ADCY8: variants seen among roughly 807,000 people sequenced by gnomAD.
ADCY8 encodes the protein adenylate cyclase 8.
Under a neutral mutation model 119.7 loss-of-function variants are expected in ADCY8, and 51 were observed. The ratio of observed to expected loss-of-function variants is 0.43; its 90% confidence interval spans 0.34 to 0.54. The LOEUF is 0.54. ADCY8 is among the 20% of genes least tolerant of loss of function. ADCY8 has a pLI of 0.03. For synonymous variants in ADCY8, 665 were observed against 651.0 expected, an observed-to-expected ratio of 1.02 and a Z score of -0.33; for missense variants, 1,383 against 1,598.8, an observed-to-expected ratio of 0.87 and a Z score of 2.30.
At chr8:130,943,297 A>C in intron 4 of ADCY8, 54 bp downstream of exon 4, 1 of 1,248,692 alleles carries the variant, frequency 8.0e-7, no homozygotes, top group East Asian at 2.3e-5. Context: ...TCCTTATTCC[A>C]TATGCAGTCC....
intron 2 of ADCY8, among the ~76,000 whole-genome samples, chr8:130,983,193 A>AG (rs1286604023): frequency 6.6e-6 from 1 of 152,264 alleles, no homozygotes; most frequent in African/African-American, 2.4e-5. Context: ...AAGGGCAGGC[A>AG]GCTACAAACA....
intron 15 of ADCY8, among the ~76,000 whole-genome samples, chr8:130,787,801 ATG>A (rs1184183592): frequency 1.3e-5 from 2 of 151,400 alleles, no homozygotes; most frequent in Non-Finnish European, 2.9e-5. Flanking sequence ...GCACACACAC[ATG>A]TGTGTTGTTT....
intron 6 of ADCY8, 123 bp downstream of exon 6, chr8:130,909,585 T>C: frequency 5.2e-6 from 6 of 1,154,514 alleles, no homozygotes; most frequent in Non-Finnish European, 7.6e-6. Flanking sequence ...TTTCAGTGTC[T>C]GGTCTCCTTC....
intron 7 of ADCY8, among the ~76,000 whole-genome samples, chr8:130,895,314 G>A (rs555740368): frequency 1.3e-5 from 2 of 152,136 alleles, no homozygotes; most frequent in South Asian, 2.1e-4. Context: ...GTTTTAGCAG[G>A]TTATCAGCCA....
At chr8:130,894,904 A>G (rs1208966549) in intron 7 of ADCY8, among the ~76,000 whole-genome samples, 1 of 152,168 alleles carries the variant, frequency 6.6e-6, no homozygotes, top group Non-Finnish European at 1.5e-5. Flanking sequence ...TTGCTTGGAA[A>G]GAAAAACCTT....
intron 8 of ADCY8, among the ~76,000 whole-genome samples, chr8:130,874,663 G>A (rs1227412525): frequency 2.0e-5 from 3 of 152,120 alleles, no homozygotes; most frequent in African/African-American, 4.8e-5. Flanking sequence ...CCTGCCCAGG[G>A]GTGACAGAAG....
chr8:130,809,482 C>T (rs1163783073), intron 14 of ADCY8, among the ~76,000 whole-genome samples: 1 of 152,168 alleles, frequency 6.6e-6, no homozygotes, highest in African/African-American at 2.4e-5. Context: ...GTAGTCCCCC[C>T]AGTCCTTCTC....
intron 5 of ADCY8, among the ~76,000 whole-genome samples, chr8:130,925,675 T>C (rs557526714): frequency 1.1e-4 from 16 of 152,310 alleles, no homozygotes; most frequent in African/African-American, 3.8e-4. Context: ...ATAATTTTAA[T>C]AAAATGGAAT....
intron 12 of ADCY8, among the ~76,000 whole-genome samples, chr8:130,824,425 A>T (rs141315584): frequency 1.3e-5 from 2 of 152,192 alleles, no homozygotes; most frequent in Non-Finnish European, 2.9e-5. Flanking sequence ...CTAGCTATCA[A>T]TTCAGATCTC....
At chr8:130,905,373 A>G (rs2130536275) in intron 6 of ADCY8, among the ~76,000 whole-genome samples, 1 of 152,262 alleles carries the variant, frequency 6.6e-6, no homozygotes, top group South Asian at 2.1e-4. Flanking sequence ...CTCTCCAGCT[A>G]TTCAAGTAAT....
intron 12 of ADCY8, among the ~76,000 whole-genome samples, chr8:130,831,810 A>G (rs1342322739): frequency 6.6e-6 from 1 of 152,230 alleles, no homozygotes; most frequent in Admixed American, 6.5e-5. Context: ...GTTAGAGGAC[A>G]TCAGTCCAGA....
At chr8:130,961,201 T>C (rs1321557285) in intron 2 of ADCY8, among the ~76,000 whole-genome samples, 2 of 152,092 alleles carry the variant, frequency 1.3e-5, no homozygotes, top group African/African-American at 4.8e-5. Context: ...CCTCTGCCTC[T>C]GGGTTCAAGC....
chr8:131,011,133 G>C (rs1276574376), intron 1 of ADCY8, among the ~76,000 whole-genome samples: 1 of 151,256 alleles, frequency 6.6e-6, no homozygotes, highest in African/African-American at 2.4e-5. Context: ...CCCTGGCAGA[G>C]TAGTTAGCAA....
At chr8:130,999,390 G>A (rs1218520243) in intron 1 of ADCY8, among the ~76,000 whole-genome samples, 1 of 152,154 alleles carries the variant, frequency 6.6e-6, no homozygotes, top group Non-Finnish European at 1.5e-5. Context: ...GGGTGATAGA[G>A]ACAGCATGGG....
intron 5 of ADCY8, among the ~76,000 whole-genome samples, chr8:130,926,875 C>T (rs1310562193): frequency 1.3e-5 from 2 of 151,312 alleles, no homozygotes; most frequent in African/African-American, 4.9e-5. Flanking sequence ...ACATAATGTC[C>T]ACGTTCATCT....
At chr8:130,996,304 A>T (rs1822773661) in intron 1 of ADCY8, among the ~76,000 whole-genome samples, 1 of 152,104 alleles carries the variant, frequency 6.6e-6, no homozygotes, top group South Asian at 2.1e-4. Context: ...TCAAAATCCC[A>T]TATGGAATTT....
At chr8:130,914,230 G>A (rs1476212817) in intron 5 of ADCY8, among the ~76,000 whole-genome samples, 1 of 152,124 alleles carries the variant, frequency 6.6e-6, no homozygotes, top group African/African-American at 2.4e-5. Context: ...GTAAAATAAG[G>A]CACTACCTGA....
chr8:131,018,272 A>G (rs1823545349), intron 1 of ADCY8, among the ~76,000 whole-genome samples: 1 of 152,202 alleles, frequency 6.6e-6, no homozygotes, highest in Non-Finnish European at 1.5e-5. Flanking sequence ...ACTACCTTGA[A>G]GGAATAATGC....
intron 1 of ADCY8, among the ~76,000 whole-genome samples, chr8:131,011,174 GAAAA>G (rs5742177): frequency 2.6e-4 from 38 of 146,690 alleles, no homozygotes; most frequent in African/African-American, 7.9e-4. Flanking sequence ...TTTATTGAAT[GAAAA>G]AAAAAAAAAG....
Sources: allele counts gnomAD v4.1 joint callset (sites outside exome capture counted in the v4.1 genomes callset), GRCh38; gene constraint gnomAD v4.1.1; transcripts MANE v1.5; gene names NCBI Gene and HGNC (gene_info 2026-07-23, HGNC 2026-07-21).